The following FAR1 variants were observed in gnomAD, a reference collection of about 807,000 sequenced individuals.
The protein encoded by FAR1 is male sterility domain-containing protein 2.
In FAR1, 22 loss-of-function variants were observed where a neutral mutation model predicts 61.1. That is an observed-to-expected ratio of 0.36 (90% CI 0.26 to 0.51). The LOEUF is 0.51. FAR1 is among the 20% of genes least tolerant of loss of function. FAR1 has a pLI of 0.95. For missense variants in FAR1, 359 were observed against 626.9 expected, an observed-to-expected ratio of 0.57 and a Z score of 4.56; for synonymous variants, 206 against 209.7, an observed-to-expected ratio of 0.98 and a Z score of 0.15.
At chr11:13,727,526 A>C (rs1186271646) in intron 10 of FAR1, 30 bp from the exon 11 acceptor site, 9 of 1,565,756 alleles carry the variant, frequency 5.7e-6, no homozygotes, top group African/African-American at 2.8e-5. Context: ...TTAGTCAAGA[A>C]AATAATCAGT....
chr11:13,728,853 A>C lies in FAR1; in HGVS notation c.*79A>C. 3 of 1,357,090 alleles carry C rather than the reference A, an allele frequency of 2.2e-6. No homozygotes were observed. The highest frequency in any genetic ancestry group is 3.0e-6 in the Non-Finnish European group (3 of 986,458). The allele number at this position is 1,357,090 out of a possible 1,614,324, so 84.1% of individuals were successfully genotyped here. A position where few individuals can be genotyped will look rare whatever the true frequency, so the allele number is the denominator to read the frequency against. On this transcript the variant is annotated 3_prime_UTR_variant, in exon 12 of 12. Coordinates refer to ENST00000354817, the MANE Select transcript of FAR1 (RefSeq NM_032228.6). The stretch of plus-strand genomic sequence containing the variant: ...AAATGTAAAATGTATAAGTCATCTC[A>C]CTTTTTGTCAAGACATTAAACCATC...
intron 1 of FAR1, among the ~76,000 whole-genome samples, chr11:13,674,611 T>C (rs1314675034): frequency 1.3e-5 from 2 of 152,204 alleles, no homozygotes; most frequent in South Asian, 2.1e-4. Flanking sequence ...CTTTCCCTTC[T>C]TAATTTAGTA....
At chr11:13,708,127 G>T (rs757438190) in intron 4 of FAR1, 48 bp downstream of exon 4, 1 of 1,355,406 alleles carries the variant, frequency 7.4e-7, no homozygotes, top group Non-Finnish European at 9.9e-7. Context: ...CCCAAAAGAG[G>T]CCAAGGCGGG....
At chr11:13,685,747 C>A (rs1233328461) in intron 1 of FAR1, 1 of 152,246 alleles carries the variant, frequency 6.6e-6, no homozygotes, top group African/African-American at 2.4e-5. Context: ...TACTGAGTTG[C>A]TAGTTTGGCC....
intron 1 of FAR1, among the ~76,000 whole-genome samples, chr11:13,694,210 G>A (rs1302483267): frequency 2.6e-5 from 4 of 152,082 alleles, no homozygotes; most frequent in Admixed American, 2.0e-4. Flanking sequence ...TTTTAAAAGG[G>A]GAGATTTAAG....
At chr11:13,699,514 C>T (rs1848346581) in intron 2 of FAR1, among the ~76,000 whole-genome samples, 1 of 152,122 alleles carries the variant, frequency 6.6e-6, no homozygotes, top group Non-Finnish European at 1.5e-5. Context: ...GGTTAAGAAT[C>T]CTGCTTAAAC....
In FAR1 at chr11:13,714,605, A is replaced by C. The variant is rs1312694540; in HGVS notation, c.1052A>C (p.Tyr351Ser). 1 of 1,613,544 alleles carries C rather than the reference A, an allele frequency of 6.2e-7. No individual in the cohort carries two copies. The highest frequency in any genetic ancestry group is 8.5e-7 in the Non-Finnish European group (1 of 1,179,714). ...NLTSNHLLYH[Y>S]WIAVSHKAPA... Reference sequence around the variant, plus strand: ...ACCTCCAATCATCTTTTATATCATTACTGGATTGCTGTAAGCCATAAGGCC... The same window carrying C: ...ACCTCCAATCATCTTTTATATCATTCCTGGATTGCTGTAAGCCATAAGGCC... Residue 351 changes from tyrosine to serine, a missense_variant, in exon 9 of 12, where the codon TAC becomes TCC. Tyr to Ser is a moderately radical substitution (Grantham distance 144, BLOSUM62 -2). This residue lies in a region of FAR1 where 344 missense variants were observed against 570.3 expected (regional missense o/e 0.60). Transcript: ENST00000354817.
At chr11:13,707,067 A>C (rs1159873298) in intron 3 of FAR1, among the ~76,000 whole-genome samples, 1 of 152,218 alleles carries the variant, frequency 6.6e-6, no homozygotes, top group Non-Finnish European at 1.5e-5. Context: ...ATATTTTTAT[A>C]GACTTCAAAT....
At chr11:13,677,922 T>C (rs182305194) in intron 1 of FAR1, among the ~76,000 whole-genome samples, 46 of 152,360 alleles carry the variant, frequency 3.0e-4, no homozygotes, top group Non-Finnish European at 5.4e-4. Context: ...ATATATTCTC[T>C]ACAGTTATAA....
intron 4 of FAR1, among the ~76,000 whole-genome samples, chr11:13,708,512 A>C (rs568055975): frequency 1.2e-3 from 178 of 150,994 alleles, no homozygotes; most frequent in African/African-American, 4.3e-3. Context: ...ATTTTTGCAT[A>C]TCCCCTGCAT....
chr11:13,683,279 G>A (rs1362822389), intron 1 of FAR1, among the ~76,000 whole-genome samples: 2 of 151,932 alleles, frequency 1.3e-5, no homozygotes, highest in Non-Finnish European at 2.9e-5. Context: ...TGTAATCCCA[G>A]CTACTTGGGT....
intron 1 of FAR1, among the ~76,000 whole-genome samples, chr11:13,675,556 G>A (rs1361202111): frequency 2.0e-5 from 3 of 152,210 alleles, no homozygotes; most frequent in South Asian, 2.1e-4. Flanking sequence ...GCCGGTTGCT[G>A]TAGCAGAAAT....
At chr11:13,678,222 T>C (rs1368326132) in intron 1 of FAR1, among the ~76,000 whole-genome samples, 1 of 152,198 alleles carries the variant, frequency 6.6e-6, no homozygotes, top group Non-Finnish European at 1.5e-5. Flanking sequence ...GGTAACTAGC[T>C]TAATAGTTTA....
At chr11:13,706,753 G>C (rs1028214155) in intron 3 of FAR1, among the ~76,000 whole-genome samples, 14 of 152,210 alleles carry the variant, frequency 9.2e-5, no homozygotes, top group Middle Eastern at 3.4e-3. Context: ...TTAATAGAAA[G>C]CAAATCTATC....
chr11:13,708,476 C>T (rs1439080257), intron 4 of FAR1, among the ~76,000 whole-genome samples: 3 of 124,300 alleles, frequency 2.4e-5, no homozygotes, highest in Non-Finnish European at 5.6e-5. Flanking sequence ...CACACACACA[C>T]ATACATTTAT....
At chr11:13,698,076 C>T (rs1204741629) in intron 2 of FAR1, among the ~76,000 whole-genome samples, 1 of 152,144 alleles carries the variant, frequency 6.6e-6, no homozygotes, top group Non-Finnish European at 1.5e-5. Context: ...TAGTCCAGCT[C>T]TCTCCCTGAA....
chr11:13,721,894 A>G lies in FAR1; in HGVS notation c.1257+35A>G. The G allele has an allele frequency of 6.5e-7, 1 of 1,543,200 alleles. No homozygotes were observed. Among genetic ancestry groups the G allele is most frequent in the Non-Finnish European group, 8.8e-7 (1 of 1,135,230 alleles). ...TATTTTCTGTTTTATATTAGAAAAT[A>G]AGTAGCATACTAATTACAGAACTAT... On this transcript the variant is annotated intron_variant, in intron 10 of 11. Transcript: ENST00000354817. The surrounding 1 kb of genome is among the most constrained non-coding windows in gnomAD (Gnocchi z 4.2).
intron 2 of FAR1, among the ~76,000 whole-genome samples, chr11:13,695,388 A>G (rs1290223193): frequency 6.6e-6 from 1 of 152,170 alleles, no homozygotes. Context: ...GAGAAGTCAC[A>G]TATTCCCATT....
intron 7 of FAR1, among the ~76,000 whole-genome samples, chr11:13,712,257 A>T (rs1318979564): frequency 6.6e-6 from 1 of 151,628 alleles, no homozygotes; most frequent in African/African-American, 2.4e-5. Context: ...ATGCTCATGT[A>T]TTACTTACAG....
Sources: allele counts gnomAD v4.1 joint callset (sites outside exome capture counted in the v4.1 genomes callset), GRCh38; gene constraint gnomAD v4.1.1; regional missense constraint gnomAD v4.1.1; non-coding constraint Gnocchi (gnomAD v3.1); transcripts MANE v1.5; gene names NCBI Gene and HGNC (gene_info 2026-07-23, HGNC 2026-07-21).